MAGI1: variants seen among roughly 807,000 people sequenced by gnomAD.
The protein encoded by MAGI1 is membrane associated guanylate kinase, WW and PDZ domain containing 1, also known as membrane-associated guanylate kinase, WW and PDZ domain-containing protein 1.
Under a neutral mutation model 139.9 loss-of-function variants are expected in MAGI1, and 58 were observed. That is an observed-to-expected ratio of 0.41 (90% CI 0.34 to 0.52). The LOEUF (loss-of-function observed/expected upper bound fraction) is 0.52, where lower values mean the gene tolerates loss of function less well. Among genes scored for constraint, MAGI1 ranks in the 20% least tolerant of loss-of-function variants. The pLI is 0.12. For synonymous variants in MAGI1, 812 were observed against 737.9 expected, an observed-to-expected ratio of 1.10 and a Z score of -1.63; for missense variants, 1,874 against 1,901.6, an observed-to-expected ratio of 0.99 and a Z score of 0.27.
chr3:65,965,561 G>T (rs929705705), intron 1 of MAGI1, among the ~76,000 whole-genome samples: 1 of 152,060 alleles, frequency 6.6e-6, no homozygotes, highest in Non-Finnish European at 1.5e-5. Context: ...GTAATCTCAA[G>T]AACTGAGAAA....
chr3:65,872,568 CCAAA>C (rs2059974393), intron 1 of MAGI1, among the ~76,000 whole-genome samples: 2 of 152,142 alleles, frequency 1.3e-5, no homozygotes, highest in Non-Finnish European at 2.9e-5. Flanking sequence ...TCTTCTAAAG[CCAAA>C]CAAATGAAAG....
chr3:65,570,475 TATA>T (rs2108066438), intron 2 of MAGI1, among the ~76,000 whole-genome samples: 1 of 152,122 alleles, frequency 6.6e-6, no homozygotes, highest in South Asian at 2.1e-4. Flanking sequence ...GAAGAAAAAT[TATA>T]TATAGCTTAG....
intron 1 of MAGI1, among the ~76,000 whole-genome samples, chr3:65,705,116 ACT>A (rs1045273312): frequency 6.6e-6 from 1 of 151,666 alleles, no homozygotes; most frequent in African/African-American, 2.4e-5. Flanking sequence ...TTTTGCAAAA[ACT>A]CTCATTGTCA....
intron 1 of MAGI1, among the ~76,000 whole-genome samples, chr3:65,741,082 T>C (rs762286260): frequency 8.5e-5 from 13 of 152,260 alleles, no homozygotes; most frequent in Middle Eastern, 3.4e-3. Flanking sequence ...TCTATAATCA[T>C]GTAAACAACA....
At chr3:66,008,502 G>A (rs1235399705) in intron 1 of MAGI1, among the ~76,000 whole-genome samples, 2 of 152,104 alleles carry the variant, frequency 1.3e-5, no homozygotes, top group Non-Finnish European at 2.9e-5. Flanking sequence ...CTCAGAGCTG[G>A]GCATTCTGGG....
chr3:65,923,446 C>T (rs1023607289), intron 1 of MAGI1, among the ~76,000 whole-genome samples: 2 of 151,878 alleles, frequency 1.3e-5, no homozygotes, highest in Admixed American at 6.6e-5. Flanking sequence ...AGGATGGTCT[C>T]GATCTCTTGA....
At chr3:65,809,720 C>T (rs911830058) in intron 1 of MAGI1, among the ~76,000 whole-genome samples, 6 of 152,090 alleles carry the variant, frequency 3.9e-5, no homozygotes, top group Admixed American at 2.6e-4. Context: ...TAAAAAGTGG[C>T]GCCCAGTTAC....
chr3:65,768,042 T>G (rs2037631502), intron 1 of MAGI1, among the ~76,000 whole-genome samples: 1 of 152,236 alleles, frequency 6.6e-6, no homozygotes, highest in African/African-American at 2.4e-5. Context: ...AAACTTAATT[T>G]GTTGAAATTT....
Position 65,992,654 on chromosome 3 carries a change from C to T in MAGI1, c.313+45342G>A, listed in dbSNP as rs1411111807. ...CAAAATTCTGTATTTAACAAGCTCT[C>T]GGGAGATGTGAAAGCTGCTAGTTGG... On this transcript the variant is annotated intron_variant, in intron 1 of 22. Coordinates refer to ENST00000402939, the MANE Select transcript of MAGI1 (RefSeq NM_001033057.2). Among the ~76,000 whole-genome samples, 4 of 152,052 alleles carry T rather than the reference C, an allele frequency of 2.6e-5. No individual in the cohort carries two copies. The East Asian group carries it at 5.8e-4, about 22-fold the overall frequency.
intron 1 of MAGI1, among the ~76,000 whole-genome samples, chr3:65,871,792 T>A (rs1039044): frequency 0.21 from 31,347 of 152,216 alleles, 3,379 homozygotes; most frequent in Middle Eastern, 0.3. Flanking sequence ...TAAGGCTAAA[T>A]ATTACAAAAA....
At chr3:65,698,120 T>G (rs2089345624) in intron 1 of MAGI1, among the ~76,000 whole-genome samples, 1 of 110,590 alleles carries the variant, frequency 9.0e-6, no homozygotes, top group Non-Finnish European at 1.9e-5. Context: ...GAACTCCCAT[T>G]CACAATTGCT....
intron 22 of MAGI1, chr3:65,360,402 T>C (rs766534442): frequency 2.9e-5 from 28 of 957,092 alleles, no homozygotes; most frequent in Middle Eastern, 5.4e-4. Context: ...AAATAGGACA[T>C]AATTATTATC....
intron 1 of MAGI1, among the ~76,000 whole-genome samples, chr3:65,785,905 G>A (rs1019759734): frequency 5.3e-5 from 8 of 151,100 alleles, no homozygotes; most frequent in East Asian, 1.9e-4. Context: ...AATCCTTCCC[G>A]ACCTCCCCCT....
At chr3:65,420,708 G>A (rs1946579989) in intron 12 of MAGI1, among the ~76,000 whole-genome samples, 1 of 152,066 alleles carries the variant, frequency 6.6e-6, no homozygotes, top group South Asian at 2.1e-4. Context: ...GCCAGCCAAG[G>A]GAATGAAATT....
chr3:65,530,082 A>C (rs2078572720), intron 2 of MAGI1, among the ~76,000 whole-genome samples: 1 of 152,166 alleles, frequency 6.6e-6, no homozygotes, highest in Admixed American at 6.5e-5. Context: ...AAAATGCATG[A>C]ATGAATGAAT....
At chr3:65,869,591 A>G (rs866420847) in intron 1 of MAGI1, among the ~76,000 whole-genome samples, 66 of 151,878 alleles carry the variant, frequency 4.3e-4, no homozygotes, top group East Asian at 2.0e-3. Context: ...TAGTAGAGAC[A>G]GGGTTTCACT....
intron 1 of MAGI1, among the ~76,000 whole-genome samples, chr3:65,690,616 A>T (rs1374629320): frequency 2.3e-5 from 3 of 132,486 alleles, no homozygotes; most frequent in African/African-American, 9.3e-5. Flanking sequence ...AGCTGCCACC[A>T]TGCCCGGCTC....
chr3:65,947,944 T>C (rs935808292), intron 1 of MAGI1, among the ~76,000 whole-genome samples: 1 of 146,342 alleles, frequency 6.8e-6, no homozygotes, highest in Non-Finnish European at 1.5e-5. Context: ...TTCTCTTTTT[T>C]TTTTTTTTTT....
intron 1 of MAGI1, among the ~76,000 whole-genome samples, chr3:65,960,884 ATTCC>A (rs2064388789): frequency 6.6e-6 from 1 of 152,124 alleles, no homozygotes; most frequent in Non-Finnish European, 1.5e-5. Context: ...AGTTAAATAG[ATTCC>A]TTCCTTGTCT....
Sources: allele counts gnomAD v4.1 joint callset (sites outside exome capture counted in the v4.1 genomes callset), GRCh38; gene constraint gnomAD v4.1.1; transcripts MANE v1.5; gene names NCBI Gene and HGNC (gene_info 2026-07-23, HGNC 2026-07-21).